CLIP3: variants seen among roughly 807,000 people sequenced by gnomAD.
CLIP3 encodes the protein CAP-Gly domain containing linker protein 3, also known as CAP-Gly domain-containing linker protein 3.
A neutral mutation model predicts 59.4 loss-of-function variants in CLIP3; 15 were observed. The observed-to-expected ratio is 0.25, with a 90% CI of 0.17 to 0.39. The LOEUF is 0.39. CLIP3 is among the 10% of genes least tolerant of loss of function. The pLI, the probability that CLIP3 is intolerant of heterozygous loss-of-function variation, is 1.00. For synonymous variants in CLIP3, 300 were observed against 321.6 expected, an observed-to-expected ratio of 0.93 and a Z score of 0.72; for missense variants, 495 against 765.7, an observed-to-expected ratio of 0.65 and a Z score of 4.17.
At chr19:36,030,826 T>C (rs1969234061) in intron 2 of CLIP3, among the ~76,000 whole-genome samples, 1 of 152,156 alleles carries the variant, frequency 6.6e-6, no homozygotes, top group Non-Finnish European at 1.5e-5. Flanking sequence ...CACTTGCTGC[T>C]GTCTGCCTGG....
In CLIP3 at chr19:36,024,191, C is replaced by T. The variant is rs182616133; in HGVS notation, c.918+205G>A. 7.9e-5 allele frequency among the ~76,000 whole-genome samples: 12 copies of T among 152,330 alleles called. No individual in the cohort carries two copies. In the East Asian group the frequency reaches 2.3e-3, roughly 29 times the overall value. On this transcript the variant is annotated intron_variant, in intron 7 of 13. Coordinates refer to ENST00000360535, the MANE Select transcript of CLIP3 (RefSeq NM_015526.3). ...TGTCAGATGACGGGTTGTTTCCCAC[C>T]CTGGATGGAGAGCTCAGCACAGGGT...
chr19:36,027,250 T>C lies in CLIP3; in HGVS notation c.188A>G (p.Asn63Ser). 1.9e-6 allele frequency: 3 copies of C among 1,608,992 alleles called. No homozygotes were observed. The highest frequency in any genetic ancestry group is 2.5e-6 in the Non-Finnish European group (3 of 1,177,502). The stretch of plus-strand genomic sequence containing the variant: ...CAGGATCTCCTGGCACGCCGGGTCA[T>C]TGGGATCGAAGAAGGTGAAAGCTGG... The part of the protein sequence containing the change: ...KDYAFTFFDP[N>S]DPACQEILFD... Residue 63 changes from asparagine to serine, a missense_variant, in exon 3 of 14, where the codon AAT becomes AGT. Around this residue, in one of 5 missense-constraint regions of CLIP3, gnomAD observed 90 missense variants for 105.2 expected, o/e 0.86. Transcript: ENST00000360535.
chr19:36,027,125 T>G lies in CLIP3; in HGVS notation c.306+7A>C. Reference sequence around the variant, plus strand: ...CCCTCTCCCCCTGGTTTCCCCAGTGTTCTCACCTCATTGCCGATGACGTCT... The same window carrying G: ...CCCTCTCCCCCTGGTTTCCCCAGTGGTCTCACCTCATTGCCGATGACGTCT... On this transcript the variant is annotated splice_region_variant and intron_variant, in intron 3 of 13. Coordinates refer to ENST00000360535, the MANE Select transcript of CLIP3 (RefSeq NM_015526.3). 6.2e-7 allele frequency: 1 copy of G among 1,603,146 alleles called. No homozygotes were observed.
chr19:36,026,848 A>G lies in CLIP3; in HGVS notation c.401-101T>C, dbSNP rs1045806750. The G allele has an allele frequency of 1.3e-6, 2 of 1,528,352 alleles. No individual in the cohort carries two copies. Among genetic ancestry groups the G allele is most frequent in the South Asian group, 1.2e-5 (1 of 81,518 alleles). The allele number at this position is 1,528,352 out of a possible 1,614,324, so 94.7% of individuals were successfully genotyped here. On this transcript the variant is annotated intron_variant, in intron 4 of 13. Coordinates refer to ENST00000360535, the MANE Select transcript of CLIP3 (RefSeq NM_015526.3). This position sits in a 1 kb window ranked among gnomAD's most constrained non-coding sequence, Gnocchi z 6.3. ...TCAGGGACTATACTTTGGGATCCGAAGCTTCGGGTTCCAGATGGGGCCTGA... is the reference window on the plus strand; with the variant it reads ...TCAGGGACTATACTTTGGGATCCGAGGCTTCGGGTTCCAGATGGGGCCTGA...
chr19:36,031,024 T>TTTTTTTTTTTTTTTTTTTTTTTTTC (rs1969251111), intron 2 of CLIP3, among the ~76,000 whole-genome samples: 11 of 73,586 alleles, frequency 1.5e-4, no homozygotes, highest in South Asian at 5.3e-4. Context: ...TTTTTTTTTC[T>TTTTTTTTTTTTTTTTTTTTTTTTTC]TTTTTTTTTT....
rs755684316 is a variant in CLIP3 at position 36,026,762 on chromosome 19, G to A, written c.401-15C>T. 146 of 1,586,880 alleles carry A rather than the reference G, an allele frequency of 9.2e-5. No individual in the cohort carries two copies. The highest frequency in any genetic ancestry group is 1.1e-4 in the Non-Finnish European group (130 of 1,172,246). On this transcript the variant is annotated splice_polypyrimidine_tract_variant and intron_variant, in intron 4 of 13. Coordinates refer to ENST00000360535, the MANE Select transcript of CLIP3 (RefSeq NM_015526.3). The surrounding 1 kb of genome is among the most constrained non-coding windows in gnomAD (Gnocchi z 6.3). The stretch of plus-strand genomic sequence containing the variant: ...CGCGGGGTCCCCTGCGCGATAGGCC[G>A]GGTCAGCTTGGAACCCCCATTCCAG...
intron 7 of CLIP3, 72 bp downstream of exon 7, chr19:36,024,324 C>T (rs111354265): frequency 1.1e-4 from 148 of 1,343,934 alleles, no homozygotes; most frequent in Middle Eastern, 2.6e-4. Context: ...TGCCCGAGGA[C>T]GCAGCTCCAA....
chr19:36,029,766 CTCAG>C (rs1402130506), intron 2 of CLIP3, among the ~76,000 whole-genome samples: 3 of 152,126 alleles, frequency 2.0e-5, no homozygotes, highest in Non-Finnish European at 4.4e-5. Context: ...ACAGTAGGTG[CTCAG>C]TCAATCTCTG....
chr19:36,016,334 C>A lies in CLIP3; in HGVS notation c.1590-122G>T. 1 of 1,102,786 alleles carries A rather than the reference C, an allele frequency of 9.1e-7. No homozygotes were observed. Among genetic ancestry groups the A allele is most frequent in the South Asian group, 1.3e-5 (1 of 75,682 alleles). The allele number at this position is 1,102,786 out of a possible 1,614,324, so 68.3% of individuals were successfully genotyped here. A position where few individuals can be genotyped will look rare whatever the true frequency, so the allele number is the denominator to read the frequency against. On this transcript the variant is annotated intron_variant, in intron 13 of 13. Coordinates refer to ENST00000360535, the MANE Select transcript of CLIP3 (RefSeq NM_015526.3). This position sits in a 1 kb window ranked among gnomAD's most constrained non-coding sequence, Gnocchi z 4.1. ...CTTTCTGGATTCTGCCTCTACCTCT[C>A]TGGCTGTGGTTTGTTTGTTTGTTTG...
chr19:36,024,685 C>T, intron 6 of CLIP3, 53 bp from the exon 7 acceptor site: 1 of 1,539,992 alleles, frequency 6.5e-7, no homozygotes, highest in Admixed American at 1.7e-5. Context: ...GGTCACACCC[C>T]CATGGAGGCC....
rs1160385009 is a variant in CLIP3, at chr19:36,026,382, G to A, written c.563-117C>T. On this transcript the variant is annotated intron_variant, in intron 5 of 13. Transcript: ENST00000360535. This position sits in a 1 kb window ranked among gnomAD's most constrained non-coding sequence, Gnocchi z 6.3. ...CCCAGAGCCTCCGACGCAGAGCCCC[G>A]CCCCCACCTCGGAGCCCCCCTCTCC... is the stretch of plus-strand genomic sequence containing the variant. The A allele has an allele frequency of 1.0e-5, 11 of 1,053,282 alleles. No individual in the cohort carries two copies. The highest frequency in any genetic ancestry group is 3.1e-5 in the South Asian group (2 of 64,044). The allele number at this position is 1,053,282 out of a possible 1,614,324, so 65.2% of individuals were successfully genotyped here.
At chr19:36,019,598 A>ATTTG (rs1568540451) in intron 7 of CLIP3, among the ~76,000 whole-genome samples, 1 of 99,396 alleles carries the variant, frequency 1.0e-5, no homozygotes, top group Non-Finnish European at 2.0e-5. Flanking sequence ...TTATTTATTT[A>ATTTG]TTTTATTTAT....
At chr19:36,029,284 C>T (rs1432938841) in intron 2 of CLIP3, among the ~76,000 whole-genome samples, 1 of 144,752 alleles carries the variant, frequency 6.9e-6, no homozygotes, top group Non-Finnish European at 1.5e-5. Context: ...TGCACCATTG[C>T]ACTCCAGCCT....
chr19:36,029,253 G>A (rs189834900), intron 2 of CLIP3, among the ~76,000 whole-genome samples: 1 of 148,024 alleles, frequency 6.8e-6, no homozygotes, highest in Non-Finnish European at 1.5e-5. Context: ...TCGGAAGGCA[G>A]AGGTTGCAGT....
intron 2 of CLIP3, among the ~76,000 whole-genome samples, chr19:36,029,275 G>A (rs1350298801): frequency 2.2e-5 from 3 of 136,906 alleles, no homozygotes; most frequent in African/African-American, 8.5e-5. Context: ...GGCCAAGATT[G>A]CACCATTGCA....
chr19:36,027,945 G>T (rs113689935), intron 2 of CLIP3, among the ~76,000 whole-genome samples: 3 of 151,886 alleles, frequency 2.0e-5, no homozygotes, highest in Admixed American at 6.6e-5. Context: ...CAGGAGGATT[G>T]CTTGAGCCCA....
chr19:36,025,798 C>A (rs1363868049), intron 6 of CLIP3, among the ~76,000 whole-genome samples: 1 of 152,128 alleles, frequency 6.6e-6, no homozygotes, highest in Non-Finnish European at 1.5e-5. Flanking sequence ...GGTCAAAGAT[C>A]ATATTGAGGG....
Position 36,017,791 on chromosome 19 carries a change from G to A in CLIP3, c.1328-13C>T, listed in dbSNP as rs372731380. The stretch of plus-strand genomic sequence containing the variant: ...CCATACCAGTAACCTGCAGCACGAG[G>A]GTGTCAGGATTTCTCAAGGCCCTGC... On this transcript the variant is annotated splice_polypyrimidine_tract_variant and intron_variant, in intron 10 of 13. Transcript: ENST00000360535. 3.3e-5 allele frequency: 54 copies of A among 1,614,014 alleles called. No homozygotes were observed. Among genetic ancestry groups the A allele is most frequent in the Non-Finnish European group, 4.2e-5 (50 of 1,180,030 alleles).
At chr19:36,030,386 C>A (rs1364973196) in intron 2 of CLIP3, among the ~76,000 whole-genome samples, 2 of 152,124 alleles carry the variant, frequency 1.3e-5, no homozygotes, top group African/African-American at 4.8e-5. Context: ...CTGAAGTCAA[C>A]TTGTAGTCTC....
Sources: allele counts gnomAD v4.1 joint callset (sites outside exome capture counted in the v4.1 genomes callset), GRCh38; gene constraint gnomAD v4.1.1; regional missense constraint gnomAD v4.1.1; non-coding constraint Gnocchi (gnomAD v3.1); transcripts MANE v1.5; gene names NCBI Gene and HGNC (gene_info 2026-07-23, HGNC 2026-07-21).